SNX29: variants seen among roughly 807,000 people sequenced by gnomAD.
The protein encoded by SNX29 is sorting nexin 29.
SNX29 carries 78 observed loss-of-function variants against 102.1 expected under a neutral mutation model. That is an observed-to-expected ratio of 0.76 (90% confidence interval 0.64 to 0.92). The LOEUF is 0.92. Among genes scored for constraint, SNX29 ranks in the 40% least tolerant of loss-of-function variants. The probability of loss-of-function intolerance (pLI) is 0.00; values close to 1 mark genes in which losing one functional copy is unlikely to be tolerated. For synonymous variants in SNX29, 580 were observed against 414.5 expected (o/e 1.40, Z -4.85); for missense variants, 1,280 against 1,061.7 (o/e 1.21, Z -2.86).
Position 11,976,805 on chromosome 16 carries a change from C to A in SNX29, c.-2C>A, listed in dbSNP as rs1429461643. Reference sequence around the variant, plus strand: ...GCAGGCACCGGCCCGGGGAGAGGCACCATGAGCGGTGAGTGGCGGCCCCGC... The same window carrying A: ...GCAGGCACCGGCCCGGGGAGAGGCAACATGAGCGGTGAGTGGCGGCCCCGC... On this transcript the variant is annotated 5_prime_UTR_variant, in exon 1 of 21. Transcript: ENST00000566228. 1.7e-5 allele frequency: 24 copies of A among 1,382,360 alleles called. No individual in the cohort carries two copies. The highest frequency in any genetic ancestry group is 2.0e-5 in the Non-Finnish European group (21 of 1,067,744). The allele number at this position is 1,382,360 out of a possible 1,614,324, so 85.6% of individuals were successfully genotyped here. A position where few individuals can be genotyped will look rare whatever the true frequency, so the allele number is the denominator to read the frequency against.
intron 15 of SNX29, among the ~76,000 whole-genome samples, chr16:12,326,684 A>G (rs2081130554): frequency 6.6e-6 from 1 of 152,000 alleles, no homozygotes. Context: ...CTAGGTTTGG[A>G]TTTAAGTCAC....
At chr16:12,364,396 T>C (rs1449030096) in intron 16 of SNX29, among the ~76,000 whole-genome samples, 1 of 148,948 alleles carries the variant, frequency 6.7e-6, no homozygotes, top group Non-Finnish European at 1.5e-5. Context: ...GGATTAAGGA[T>C]TGAATTTTTC....
chr16:12,195,045 T>C (rs779722084), intron 13 of SNX29, among the ~76,000 whole-genome samples: 1 of 152,202 alleles, frequency 6.6e-6, no homozygotes, highest in Non-Finnish European at 1.5e-5. Flanking sequence ...ACTGTTAACG[T>C]TGTGGTCTAT....
chr16:12,246,681 G>A (rs752053705), intron 14 of SNX29, among the ~76,000 whole-genome samples: 3 of 152,174 alleles, frequency 2.0e-5, no homozygotes, highest in Non-Finnish European at 4.4e-5. Flanking sequence ...ATCTTTCATG[G>A]TTGACTCCCT....
chr16:12,455,092 G>A (rs979543354), intron 18 of SNX29, among the ~76,000 whole-genome samples: 35 of 152,196 alleles, frequency 2.3e-4, no homozygotes, highest in African/African-American at 8.4e-4. Context: ...TGCTCTGGCT[G>A]TGGTGTGGAA....
chr16:12,333,449 T>C (rs2081355023), intron 15 of SNX29, among the ~76,000 whole-genome samples: 1 of 152,120 alleles, frequency 6.6e-6, no homozygotes, highest in South Asian at 2.1e-4. Flanking sequence ...GGTAGAGTTT[T>C]CCCTGTTTGA....
intron 11 of SNX29, among the ~76,000 whole-genome samples, chr16:12,102,754 A>G (rs1033569516): frequency 6.6e-6 from 1 of 152,236 alleles, no homozygotes; most frequent in Admixed American, 6.5e-5. Flanking sequence ...TCAGATAGGA[A>G]GAGTAGAAGT....
chr16:12,162,855 G>A (rs926078030), intron 13 of SNX29, among the ~76,000 whole-genome samples: 2 of 152,126 alleles, frequency 1.3e-5, no homozygotes, highest in Non-Finnish European at 2.9e-5. Context: ...CGGCAAGCAC[G>A]TGTTTATCAC....
chr16:12,566,264 AG>A (rs2079002238), intron 20 of SNX29, among the ~76,000 whole-genome samples: 1 of 152,214 alleles, frequency 6.6e-6, no homozygotes, highest in Non-Finnish European at 1.5e-5. Flanking sequence ...AGGGTCAGAC[AG>A]CACTGCCCAC....
chr16:12,552,805 G>C (rs2856785), intron 20 of SNX29, among the ~76,000 whole-genome samples: 1 of 152,124 alleles, frequency 6.6e-6, no homozygotes, highest in African/African-American at 2.4e-5. Context: ...TCCTGGAGGA[G>C]AGAACAGCCA....
chr16:12,465,277 C>CA (rs35571796), intron 18 of SNX29, among the ~76,000 whole-genome samples: 36,635 of 152,022 alleles, frequency 0.24, 6,023 homozygotes, highest in African/African-American at 0.46. Flanking sequence ...GTAACATATT[C>CA]AAAAAAATTA....
At chr16:12,457,456 C>T (rs1464551668) in intron 18 of SNX29, among the ~76,000 whole-genome samples, 5 of 152,192 alleles carry the variant, frequency 3.3e-5, no homozygotes, top group African/African-American at 1.2e-4. Flanking sequence ...AGAGATACGG[C>T]AGGTCTCAAG....
chr16:12,226,826 C>T (rs1273718346), intron 14 of SNX29, among the ~76,000 whole-genome samples: 1 of 152,154 alleles, frequency 6.6e-6, no homozygotes, highest in Non-Finnish European at 1.5e-5. Flanking sequence ...TATCTGCCCA[C>T]CTTGGCCTCC....
intron 11 of SNX29, among the ~76,000 whole-genome samples, chr16:12,121,410 C>G (rs2053966030): frequency 6.6e-6 from 1 of 152,270 alleles, no homozygotes; most frequent in South Asian, 2.1e-4. Flanking sequence ...TTGTGCATGA[C>G]TGCTTTATTC....
rs116500170 is a variant in SNX29 at position 12,547,169 on chromosome 16, T to C, written c.2319-21337T>C. 4.7e-3 allele frequency among the ~76,000 whole-genome samples: 716 copies of C among 152,302 alleles called. 7 individuals are homozygous for C. The highest frequency in any genetic ancestry group is 0.014 in the Middle Eastern group (4 of 294). On this transcript the variant is annotated intron_variant, in intron 20 of 20. Coordinates refer to ENST00000566228, the MANE Select transcript of SNX29 (RefSeq NM_032167.5). ...AGAAGCCTGCTGGGGATGTGCTGTTTATGGTCTAGGAAGATGACAGGGATA... is the reference window on the plus strand; with the variant it reads ...AGAAGCCTGCTGGGGATGTGCTGTTCATGGTCTAGGAAGATGACAGGGATA...
chr16:12,018,698 T>C (rs1046070699), intron 3 of SNX29, among the ~76,000 whole-genome samples: 2 of 152,050 alleles, frequency 1.3e-5, no homozygotes, highest in Non-Finnish European at 2.9e-5. Flanking sequence ...TCTTTGTTTT[T>C]CTTTGTGCAA....
chr16:12,019,623 G>GATAT (rs1567532966), intron 3 of SNX29, among the ~76,000 whole-genome samples: 1 of 145,610 alleles, frequency 6.9e-6, no homozygotes, highest in African/African-American at 2.6e-5. Context: ...TAGATAGATA[G>GATAT]ATATAGATAT....
chr16:12,021,701 A>C (rs1166691366), intron 3 of SNX29, among the ~76,000 whole-genome samples: 1 of 152,142 alleles, frequency 6.6e-6, no homozygotes, highest in Non-Finnish European at 1.5e-5. Context: ...CAGCCTGGCC[A>C]ACATGGTGAA....
chr16:12,572,240 C>T lies in SNX29; in HGVS notation c.*3611C>T, dbSNP rs1285564052. ...AGAGGCTCCTGAAAGTCGTTTACAC[C>T]AGGTGGATTGATACCATGGCTGTAG... On this transcript the variant is annotated 3_prime_UTR_variant, in exon 21 of 21. Coordinates refer to ENST00000566228, the MANE Select transcript of SNX29 (RefSeq NM_032167.5). 4 of 1,041,014 alleles carry T rather than the reference C, an allele frequency of 3.8e-6. No individual in the cohort carries two copies. The highest frequency in any genetic ancestry group is 3.3e-5 in the African/African-American group (2 of 60,570). The allele number at this position is 1,041,014 out of a possible 1,614,324, so 64.5% of individuals were successfully genotyped here. A position where few individuals can be genotyped will look rare whatever the true frequency, so the allele number is the denominator to read the frequency against.
Sources: gnomAD v4.1 joint callset for allele counts (sites outside exome capture counted in the v4.1 genomes callset) on GRCh38, gnomAD v4.1.1 for gene constraint, MANE v1.5 for transcripts, NCBI Gene and HGNC (gene_info 2026-07-23, HGNC 2026-07-21) for gene names.